The following DISP1 variants were observed in gnomAD, a reference collection of about 807,000 sequenced individuals.
The protein encoded by DISP1 is protein dispatched homolog 1.
A neutral mutation model predicts 37.3 loss-of-function variants in DISP1; 30 were observed. The observed-to-expected ratio is 0.80, with a 90% CI of 0.60 to 1.09. The LOEUF (loss-of-function observed/expected upper bound fraction) is 1.09. Ranked by LOEUF, DISP1 falls within the 50% of genes least tolerant of loss-of-function variation. The pLI is 0.00. For synonymous variants in DISP1, 634 were observed against 690.2 expected (o/e 0.92, Z 1.28); for missense variants, 1,598 against 1,879.5 (o/e 0.85, Z 2.77).
intron 1 of DISP1, among the ~76,000 whole-genome samples, chr1:222,837,833 T>G (rs1667337548): frequency 2.0e-5 from 3 of 152,196 alleles, no homozygotes; most frequent in Admixed American, 2.0e-4. Flanking sequence ...TGAAGAGCTA[T>G]TTCTTGTTAC....
At chr1:222,925,894 C>A (rs1443279219) in intron 1 of DISP1, among the ~76,000 whole-genome samples, 2 of 152,292 alleles carry the variant, frequency 1.3e-5, no homozygotes, top group South Asian at 4.1e-4. Flanking sequence ...ATGACTGGAA[C>A]TTTATACCTT....
At chr1:222,984,626 T>G (rs1190825529) in intron 4 of DISP1, among the ~76,000 whole-genome samples, 2 of 151,970 alleles carry the variant, frequency 1.3e-5, no homozygotes, top group East Asian at 3.9e-4. Context: ...TGTTTATATT[T>G]GTTGTATATA....
rs1558340261 is a variant in DISP1, at chr1:222,936,861, T to TTTATATATCATATATATGATATATAAA, written c.-17-5921_-17-5920insAATTATATATCATATATATGATATATA. ...TATATATCATATATATGATATATAA[T>TTTATATATCATATATATGATATATAAA]TTATATATCATATATATGATATATA... On this transcript the variant is annotated intron_variant, in intron 2 of 8. Transcript: ENST00000675850. Among the ~76,000 whole-genome samples, 140 of 48,876 alleles carry TTTATATATCATATATATGATATATAAA rather than the reference T, an allele frequency of 2.9e-3. 2 individuals are homozygous for TTTATATATCATATATATGATATATAAA. Among genetic ancestry groups the TTTATATATCATATATATGATATATAAA allele is most frequent in the Non-Finnish European group, 4.5e-3 (120 of 26,900 alleles). The allele number at this position is 48,876 out of a possible 152,430, so 32.1% of individuals were successfully genotyped here. A position where few individuals can be genotyped will look rare whatever the true frequency, so the allele number is the denominator to read the frequency against.
At chr1:222,929,525 C>T (rs1538560) in intron 2 of DISP1, among the ~76,000 whole-genome samples, 12,240 of 151,944 alleles carry the variant, frequency 0.081, 565 homozygotes, top group Admixed American at 0.13. Context: ...TCTTGTTGAA[C>T]GAAGAAGAAG....
chr1:222,999,393 G>A (rs1679288002), intron 8 of DISP1, among the ~76,000 whole-genome samples: 1 of 152,086 alleles, frequency 6.6e-6, no homozygotes, highest in Admixed American at 6.6e-5. Flanking sequence ...ACATATCTGT[G>A]TTCTGTGTGA....
At chr1:223,000,183 T>A (rs111416089) in intron 8 of DISP1, among the ~76,000 whole-genome samples, 8,150 of 152,288 alleles carry the variant, frequency 0.054, 311 homozygotes, top group Middle Eastern at 0.092. Flanking sequence ...ATTTTCATAA[T>A]GGATACAGTT....
chr1:222,849,185 A>G (rs1668088561), intron 1 of DISP1, among the ~76,000 whole-genome samples: 1 of 152,190 alleles, frequency 6.6e-6, no homozygotes. Flanking sequence ...GTATTTATAT[A>G]AGATCAAATT....
At chr1:222,876,593 A>G (rs1261477801) in intron 1 of DISP1, among the ~76,000 whole-genome samples, 2 of 152,250 alleles carry the variant, frequency 1.3e-5, no homozygotes, top group Non-Finnish European at 2.9e-5. Flanking sequence ...TCAGAAGAAC[A>G]AAGTAGAGCT....
At chr1:222,892,343 G>A (rs1016024210) in intron 1 of DISP1, among the ~76,000 whole-genome samples, 2 of 152,150 alleles carry the variant, frequency 1.3e-5, no homozygotes, top group Non-Finnish European at 2.9e-5. Context: ...GCTTTGCCGT[G>A]TACTAGTGTG....
intron 2 of DISP1, among the ~76,000 whole-genome samples, chr1:222,935,143 G>A (rs1233498092): frequency 6.6e-6 from 1 of 152,118 alleles, no homozygotes; most frequent in Non-Finnish European, 1.5e-5. Flanking sequence ...CTCCACCCCT[G>A]ATGTACTGTA....
intron 8 of DISP1, among the ~76,000 whole-genome samples, chr1:223,001,019 G>A (rs2609356): frequency 0.98 from 148,813 of 152,288 alleles, 72,793 homozygotes; most frequent in East Asian, 1. Context: ...AGAAGTCTCT[G>A]GTCAGGCTCA....
chr1:222,931,054 G>A (rs950116804), intron 2 of DISP1, among the ~76,000 whole-genome samples: 1 of 151,974 alleles, frequency 6.6e-6, no homozygotes, highest in Non-Finnish European at 1.5e-5. Flanking sequence ...CAAAACAGCA[G>A]GGAGTGGGGC....
intron 1 of DISP1, among the ~76,000 whole-genome samples, chr1:222,863,149 C>G (rs559360783): frequency 6.6e-6 from 1 of 152,056 alleles, no homozygotes; most frequent in South Asian, 2.1e-4. Flanking sequence ...TACACAAATA[C>G]GAGCAACTCA....
intron 1 of DISP1, among the ~76,000 whole-genome samples, chr1:222,846,200 A>C (rs1227272017): frequency 2.0e-5 from 3 of 152,170 alleles, no homozygotes; most frequent in Non-Finnish European, 4.4e-5. Context: ...TGCAATGAAA[A>C]GAGTGAAAAG....
At chr1:222,851,738 A>G (rs898809518) in intron 1 of DISP1, among the ~76,000 whole-genome samples, 1 of 151,610 alleles carries the variant, frequency 6.6e-6, no homozygotes. Flanking sequence ...AATATTCATA[A>G]CAAATGGCCA....
intron 1 of DISP1, among the ~76,000 whole-genome samples, chr1:222,839,350 C>T (rs927733151): frequency 2.6e-5 from 4 of 152,212 alleles, no homozygotes; most frequent in Non-Finnish European, 5.9e-5. Context: ...ACCATCACCC[C>T]TGCCCACGTT....
At chr1:222,970,153 C>A (rs1156570273) in intron 3 of DISP1, among the ~76,000 whole-genome samples, 1 of 152,292 alleles carries the variant, frequency 6.6e-6, no homozygotes, top group East Asian at 1.9e-4. Flanking sequence ...GTAAACTAGA[C>A]GATTCCTGAG....
At chr1:222,815,384 A>T (rs1429579091) in intron 1 of DISP1, among the ~76,000 whole-genome samples, 1 of 151,936 alleles carries the variant, frequency 6.6e-6, no homozygotes, top group Non-Finnish European at 1.5e-5. Context: ...ATCTCGGAGG[A>T]AAGTAGTCAT....
chr1:223,002,917 C>T lies in DISP1; in HGVS notation c.1520C>T (p.Pro507Leu), dbSNP rs561363825. ...TATCTTCTAATGGATACTGTGTATCCTGCCATAGCCATTGTGATTGTCCTT... is the reference window on the plus strand; with the variant it reads ...TATCTTCTAATGGATACTGTGTATCTTGCCATAGCCATTGTGATTGTCCTT... The part of the protein sequence containing the change: ...QDYLLMDTVY[P>L]AIAIVIVLLV... Residue 507 changes from proline (P) to leucine (L), a missense_variant, in exon 9 of 9, where the codon CCT becomes CTT. Physicochemically the swap from Pro to Leu is moderately conservative, Grantham distance 98 (BLOSUM62 -3). Transcript: ENST00000675850. 58 of 1,613,958 alleles carry T rather than the reference C, an allele frequency of 3.6e-5. No individual in the cohort carries two copies. In the East Asian group the frequency reaches 4.9e-4, roughly 14 times the overall value.
Sources: gnomAD v4.1 joint callset for allele counts (sites outside exome capture counted in the v4.1 genomes callset) on GRCh38, gnomAD v4.1.1 for gene constraint, MANE v1.5 for transcripts, NCBI Gene and HGNC (gene_info 2026-07-23, HGNC 2026-07-21) for gene names.